Variants in ADGRB1 observed in about 807,000 individuals in gnomAD.
The protein encoded by ADGRB1 is brain-specific angiogenesis inhibitor 1.
A neutral mutation model predicts 175.7 loss-of-function variants in ADGRB1; 36 were observed. The ratio of observed to expected loss-of-function variants is 0.20; its 90% CI spans 0.16 to 0.27. The LOEUF (loss-of-function observed/expected upper bound fraction) is 0.27. Ranked by LOEUF, ADGRB1 falls within the 10% of genes least tolerant of loss-of-function variation. The pLI, the probability that ADGRB1 is intolerant of heterozygous loss-of-function variation, is 1.00. For synonymous variants in ADGRB1, 1,054 were observed against 979.4 expected (o/e 1.08, Z -1.42); for missense variants, 1,731 against 2,255.3 (o/e 0.77, Z 4.71).
intron 2 of ADGRB1, among the ~76,000 whole-genome samples, chr8:142,467,713 C>G (rs1044456942): frequency 1.3e-5 from 2 of 152,182 alleles, no homozygotes; most frequent in Non-Finnish European, 2.9e-5. Flanking sequence ...GGCCTGGGTT[C>G]AAATCCCAGC....
intron 24 of ADGRB1, among the ~76,000 whole-genome samples, chr8:142,531,673 G>C (rs1844631448): frequency 6.6e-6 from 1 of 152,206 alleles, no homozygotes; most frequent in Admixed American, 6.5e-5. Context: ...CCTCTGTCCT[G>C]GTGTTGCTCT....
At chr8:142,516,853 G>GCT (rs1486163868) in intron 18 of ADGRB1, among the ~76,000 whole-genome samples, 12 of 152,138 alleles carry the variant, frequency 7.9e-5, no homozygotes, top group African/African-American at 1.2e-4. Flanking sequence ...TTGGGAAGTT[G>GCT]CTCGGGGTGA....
At position 142,492,507 on chromosome 8, in the gene ADGRB1, G is replaced by A. The variant is rs1842029277; in HGVS notation, c.2675+1692G>A. Among the ~76,000 whole-genome samples, 1 of 152,212 alleles carries A rather than the reference G, an allele frequency of 6.6e-6. No homozygotes were observed. The highest frequency in any genetic ancestry group is 6.5e-5 in the Admixed American group (1 of 15,288). On this transcript the variant is annotated intron_variant, in intron 17 of 30. Coordinates refer to ENST00000517894, the MANE Select transcript of ADGRB1 (RefSeq NM_001702.3). The surrounding 1 kb of genome is among the most constrained non-coding windows in gnomAD (Gnocchi z 4.4). Reference sequence around the variant, plus strand: ...GAGGGAAGGGGAGGTTTCGGCAGAGGCCTGGCAAGCACAGCTCTGCGTGTG... The same window carrying A: ...GAGGGAAGGGGAGGTTTCGGCAGAGACCTGGCAAGCACAGCTCTGCGTGTG...
intron 6 of ADGRB1, 54 bp downstream of exon 6, chr8:142,477,603 A>T: frequency 6.4e-7 from 1 of 1,564,596 alleles, no homozygotes; most frequent in African/African-American, 1.3e-5. Flanking sequence ...AGGGGAGGTC[A>T]CAGTGGGCCA....
intron 17 of ADGRB1, among the ~76,000 whole-genome samples, chr8:142,502,732 G>A (rs907214025): frequency 2.6e-5 from 4 of 151,846 alleles, no homozygotes; most frequent in Non-Finnish European, 5.9e-5. Flanking sequence ...GGTAGTGGTG[G>A]TGGTTGTGAT....
intron 20 of ADGRB1, among the ~76,000 whole-genome samples, chr8:142,521,651 A>T (rs1278482056): frequency 1.3e-5 from 2 of 152,210 alleles, no homozygotes; most frequent in Non-Finnish European, 2.9e-5. Context: ...CCTTGGGCTT[A>T]CTACCTCCTG....
At chr8:142,522,358 A>G (rs1469335882) in intron 21 of ADGRB1, among the ~76,000 whole-genome samples, 6 of 152,194 alleles carry the variant, frequency 3.9e-5, no homozygotes, top group African/African-American at 1.2e-4. Context: ...TGTCCGGTGC[A>G]GTATTTGGGA....
intron 7 of ADGRB1, 90 bp downstream of exon 7, chr8:142,478,450 C>A: frequency 7.2e-7 from 1 of 1,389,414 alleles, no homozygotes; most frequent in Non-Finnish European, 9.6e-7. Flanking sequence ...TGGGGGTAAC[C>A]ATGGGCCCCG....
At chr8:142,484,620 C>T in intron 12 of ADGRB1, 36 bp from the exon 13 acceptor site, 2 of 1,570,890 alleles carry the variant, frequency 1.3e-6, no homozygotes, top group South Asian at 1.2e-5. Context: ...GACAGTGGGG[C>T]CTCCTCCCTC....
At position 142,465,002 on chromosome 8, in the gene ADGRB1, A is replaced by G; in HGVS notation, c.784+20A>G. On this transcript the variant is annotated intron_variant, in intron 2 of 30. Transcript: ENST00000517894. ...CCACAGGTGAGTGACTGGCGGGGAAACCTTCGGACAGGGGAGGTGGGCAGA... is the reference window on the plus strand; with the variant it reads ...CCACAGGTGAGTGACTGGCGGGGAAGCCTTCGGACAGGGGAGGTGGGCAGA... 3 of 1,314,656 alleles carry G rather than the reference A, an allele frequency of 2.3e-6. No individual in the cohort carries two copies. Among genetic ancestry groups the G allele is most frequent in the Non-Finnish European group, 2.9e-6 (3 of 1,022,888 alleles). 81.4% of individuals were successfully genotyped at this position (1,314,656 alleles called of 1,614,324 possible).
chr8:142,490,550 G>A (rs988936421), intron 16 of ADGRB1, among the ~76,000 whole-genome samples: 1 of 152,246 alleles, frequency 6.6e-6, no homozygotes, highest in East Asian at 1.9e-4. Flanking sequence ...GGAGCTGCCC[G>A]AGGCCACATG....
chr8:142,506,473 G>A (rs958038664), intron 17 of ADGRB1, among the ~76,000 whole-genome samples: 2 of 152,234 alleles, frequency 1.3e-5, no homozygotes, highest in African/African-American at 4.8e-5. Context: ...AACTGACCCA[G>A]ATTCCTCAGG....
intron 2 of ADGRB1, among the ~76,000 whole-genome samples, chr8:142,471,723 C>T (rs1255149011): frequency 1.3e-5 from 2 of 152,250 alleles, no homozygotes; most frequent in African/African-American, 4.8e-5. Context: ...GTGGACTTGG[C>T]TTCTCAGCCC....
At chr8:142,512,336 G>C (rs1024764088) in intron 18 of ADGRB1, among the ~76,000 whole-genome samples, 1 of 152,238 alleles carries the variant, frequency 6.6e-6, no homozygotes, top group Non-Finnish European at 1.5e-5. Flanking sequence ...CATCTCGGAG[G>C]CTCCCTGGAA....
rs1489368266 is a variant in ADGRB1 at position 142,481,654 on chromosome 8, G to A, written c.2073G>A (p.Arg691=). 3 of 1,607,094 alleles carry A rather than the reference G, an allele frequency of 1.9e-6. No individual in the cohort carries two copies. Among genetic ancestry groups the A allele is most frequent in the African/African-American group, 2.7e-5 (2 of 74,916 alleles). ...TGCTGTCCACCATCGATGTCCTGAG[G>A]AACATGACAGAGATTTTCCGGAGAG... is the stretch of plus-strand genomic sequence containing the variant. ...GDLLSTIDVL[R]NMTEIFRRAY... is the part of the protein sequence containing the mutation. The change falls in exon 11 of 31, where the codon AGG becomes AGA. Residue 691 remains arginine (R), a synonymous_variant. Transcript: ENST00000517894.
chr8:142,528,465 CACTTT>C (rs1844361818), intron 24 of ADGRB1, among the ~76,000 whole-genome samples: 1 of 152,196 alleles, frequency 6.6e-6, no homozygotes, highest in East Asian at 1.9e-4. Flanking sequence ...GCTGGTTTTG[CACTTT>C]GGCCCCGCCC....
chr8:142,530,119 G>T (rs920901516), intron 24 of ADGRB1, among the ~76,000 whole-genome samples: 6 of 152,096 alleles, frequency 3.9e-5, no homozygotes, highest in African/African-American at 1.4e-4. Flanking sequence ...TAGTGTGTGT[G>T]TATAAGTGTG....
intron 1 of ADGRB1, 29 bp from the exon 2 acceptor site, chr8:142,463,951 A>G (rs1840101769): frequency 2.9e-6 from 1 of 341,954 alleles, no homozygotes; most frequent in African/African-American, 2.1e-5. Flanking sequence ...CCAAGTGCTC[A>G]CTCTGACCCT....
intron 13 of ADGRB1, among the ~76,000 whole-genome samples, chr8:142,486,070 A>G (rs1397758603): frequency 2.0e-5 from 3 of 152,190 alleles, no homozygotes; most frequent in Non-Finnish European, 4.4e-5. Flanking sequence ...TCAATTTCCA[A>G]CACGTGAACG....
Sources: allele counts gnomAD v4.1 joint callset (sites outside exome capture counted in the v4.1 genomes callset), GRCh38; gene constraint gnomAD v4.1.1; non-coding constraint Gnocchi (gnomAD v3.1); transcripts MANE v1.5; gene names NCBI Gene and HGNC (gene_info 2026-07-23, HGNC 2026-07-21).